Variants in RAPGEF4 observed in about 807,000 individuals in gnomAD.
The protein encoded by RAPGEF4 is RAP guanine-nucleotide-exchange factor (GEF) 4.
A neutral mutation model predicts 147.9 loss-of-function variants in RAPGEF4; 66 were observed. That is an observed-to-expected ratio of 0.45 (90% confidence interval 0.37 to 0.55). The LOEUF is 0.55. RAPGEF4 is among the 20% of genes least tolerant of loss of function. The pLI is 0.00. For synonymous variants in RAPGEF4, 419 were observed against 442.7 expected, an observed-to-expected ratio of 0.95 and a Z score of 0.67; for missense variants, 1,071 against 1,257.3, an observed-to-expected ratio of 0.85 and a Z score of 2.24.
intron 6 of RAPGEF4, among the ~76,000 whole-genome samples, chr2:172,951,555 C>A (rs1175817846): frequency 6.6e-6 from 1 of 152,088 alleles, no homozygotes; most frequent in Non-Finnish European, 1.5e-5. Context: ...AGATATGGGG[C>A]AGGGATACGA....
At chr2:173,010,164 T>C (rs1483094055) in intron 17 of RAPGEF4, among the ~76,000 whole-genome samples, 1 of 152,218 alleles carries the variant, frequency 6.6e-6, no homozygotes, top group Non-Finnish European at 1.5e-5. Context: ...GAAACAGAGA[T>C]CCTGTGATTC....
chr2:173,035,142 C>G (rs1683787379), intron 27 of RAPGEF4, among the ~76,000 whole-genome samples: 1 of 151,642 alleles, frequency 6.6e-6, no homozygotes, highest in African/African-American at 2.4e-5. Context: ...GCAGCCTTGA[C>G]CTCTTGGGCT....
intron 10 of RAPGEF4, among the ~76,000 whole-genome samples, chr2:172,981,422 G>C (rs1354783910): frequency 6.6e-6 from 1 of 152,188 alleles, no homozygotes; most frequent in Non-Finnish European, 1.5e-5. Flanking sequence ...GAGGGCTCTG[G>C]CCGAGAAGGC....
intron 1 of RAPGEF4, among the ~76,000 whole-genome samples, chr2:172,783,275 G>A (rs546377544): frequency 1.3e-5 from 2 of 152,258 alleles, no homozygotes; most frequent in African/African-American, 4.8e-5. Flanking sequence ...CCTTTTTATT[G>A]CTTTGCTTAA....
chr2:172,951,266 C>T (rs1285304648), intron 6 of RAPGEF4, among the ~76,000 whole-genome samples: 1 of 152,220 alleles, frequency 6.6e-6, no homozygotes, highest in Non-Finnish European at 1.5e-5. Flanking sequence ...TCAGTTTGCT[C>T]CCAACATCCC....
At chr2:173,041,119 A>C (rs1684709829) in intron 29 of RAPGEF4, among the ~76,000 whole-genome samples, 1 of 152,214 alleles carries the variant, frequency 6.6e-6, no homozygotes, top group Admixed American at 6.5e-5. Context: ...TAATTCATTA[A>C]GGAAGAGAAA....
At chr2:172,906,305 G>C (rs1266306898) in intron 4 of RAPGEF4, among the ~76,000 whole-genome samples, 1 of 152,196 alleles carries the variant, frequency 6.6e-6, no homozygotes, top group Non-Finnish European at 1.5e-5. Context: ...CTTATGATGA[G>C]ACACATCCCC....
intron 1 of RAPGEF4, among the ~76,000 whole-genome samples, chr2:172,757,708 T>C (rs968197634): frequency 6.6e-6 from 1 of 152,220 alleles, no homozygotes; most frequent in African/African-American, 2.4e-5. Context: ...TTGATTTTGG[T>C]TTCACAAATC....
intron 10 of RAPGEF4, among the ~76,000 whole-genome samples, chr2:172,975,413 T>G (rs536042100): frequency 3.9e-5 from 6 of 152,284 alleles, no homozygotes; most frequent in Admixed American, 3.9e-4. Flanking sequence ...CTCATGATAA[T>G]CCACTATGTC....
At chr2:172,737,663 G>T (rs1693923936) in intron 1 of RAPGEF4, among the ~76,000 whole-genome samples, 1 of 151,504 alleles carries the variant, frequency 6.6e-6, no homozygotes, top group Non-Finnish European at 1.5e-5. Flanking sequence ...TTAGAGCATG[G>T]TGCCCCCATT....
chr2:172,867,530 G>A (rs1338259902), intron 4 of RAPGEF4, among the ~76,000 whole-genome samples: 1 of 152,180 alleles, frequency 6.6e-6, no homozygotes, highest in East Asian at 1.9e-4. Context: ...GAAGGTCCAA[G>A]AGAATACTCC....
chr2:172,789,339 T>C (rs1266039275), intron 1 of RAPGEF4, among the ~76,000 whole-genome samples: 1 of 152,206 alleles, frequency 6.6e-6, no homozygotes, highest in African/African-American at 2.4e-5. Context: ...AAAAGCAAAT[T>C]GGAGCTCCCA....
intron 6 of RAPGEF4, among the ~76,000 whole-genome samples, chr2:172,955,351 A>G (rs1230130023): frequency 2.0e-5 from 3 of 152,156 alleles, no homozygotes; most frequent in Non-Finnish European, 4.4e-5. Context: ...TCTCCTTTTC[A>G]GTAGTAATAT....
rs775116808 is a variant in RAPGEF4, at chr2:172,814,262, T to C, written c.298-17T>C. ...AGATGTTTAATTTTCTAATGACTAG[T>C]TTTTTGGGATCCTCAGGATGCTGTG... On this transcript the variant is annotated splice_polypyrimidine_tract_variant and intron_variant, in intron 3 of 30. Transcript: ENST00000397081. 2 of 1,612,874 alleles carry C rather than the reference T, an allele frequency of 1.2e-6. No individual in the cohort carries two copies. The highest frequency in any genetic ancestry group is 1.7e-6 in the Non-Finnish European group (2 of 1,179,136).
intron 1 of RAPGEF4, among the ~76,000 whole-genome samples, chr2:172,746,762 G>C (rs1694812872): frequency 6.6e-6 from 1 of 151,970 alleles, no homozygotes; most frequent in Admixed American, 6.6e-5. Context: ...ACAGATGTCT[G>C]CCACCATGCC....
At chr2:173,027,000 C>A (rs1284135243) in intron 24 of RAPGEF4, 81 bp from the exon 25 acceptor site, 3 of 1,292,106 alleles carry the variant, frequency 2.3e-6, no homozygotes. Flanking sequence ...ACCAGTAAAA[C>A]ACTGTCTTGA....
chr2:172,823,067 C>T (rs913213861), intron 4 of RAPGEF4, among the ~76,000 whole-genome samples: 4 of 152,136 alleles, frequency 2.6e-5, no homozygotes, highest in Admixed American at 2.6e-4. Context: ...TAAGAAAGAT[C>T]CAGCGTGCTA....
intron 17 of RAPGEF4, among the ~76,000 whole-genome samples, chr2:173,010,654 G>A (rs933197687): frequency 6.6e-6 from 1 of 152,018 alleles, no homozygotes; most frequent in Non-Finnish European, 1.5e-5. Context: ...TACCTTTTTT[G>A]TAGGAGTTAA....
intron 6 of RAPGEF4, among the ~76,000 whole-genome samples, chr2:172,945,715 C>A (rs183506784): frequency 6.6e-6 from 1 of 152,224 alleles, no homozygotes. Flanking sequence ...ACATAGCATG[C>A]ATTTAAATAT....
Sources: gnomAD v4.1 joint callset for allele counts (sites outside exome capture counted in the v4.1 genomes callset) on GRCh38, gnomAD v4.1.1 for gene constraint, MANE v1.5 for transcripts, NCBI Gene and HGNC (gene_info 2026-07-23, HGNC 2026-07-21) for gene names.